TATDN2: variants seen among roughly 807,000 people sequenced by gnomAD.
TATDN2 encodes TatD DNase domain containing 2.
Under a neutral mutation model 60.3 loss-of-function variants are expected in TATDN2, and 44 were observed. The ratio of observed to expected loss-of-function variants is 0.73; its 90% CI spans 0.57 to 0.94. The LOEUF (loss-of-function observed/expected upper bound fraction) is 0.94, where lower values mean the gene tolerates loss of function less well. TATDN2 is among the 40% of genes least tolerant of loss of function. The probability of loss-of-function intolerance (pLI) is 0.00; values close to 1 mark genes in which losing one functional copy is unlikely to be tolerated. For missense variants in TATDN2, 997 were observed against 948.0 expected (o/e 1.05, Z -0.68); for synonymous variants, 399 against 355.8 (o/e 1.12, Z -1.37).
chr3:10,278,566 G>A lies in TATDN2; in HGVS notation c.2145+104G>A, dbSNP rs1288047031. The A allele has an allele frequency of 6.8e-7, 1 of 1,481,130 alleles. No individual in the cohort carries two copies. Among genetic ancestry groups the A allele is most frequent in the African/African-American group, 1.4e-5 (1 of 72,306 alleles). 91.7% of individuals were successfully genotyped at this position (1,481,130 alleles called of 1,614,324 possible). On this transcript the variant is annotated intron_variant, in intron 6 of 7. Transcript: ENST00000448281. This position sits in a 1 kb window ranked among gnomAD's most constrained non-coding sequence, Gnocchi z 4.7. ...AGGGCCAGAGCCCCAGTGACTTCCA[G>A]GTCCCATCCTGGGCTGTGTAGATGC...
At chr3:10,273,504 C>T (rs1237420221) in intron 4 of TATDN2, among the ~76,000 whole-genome samples, 2 of 151,978 alleles carry the variant, frequency 1.3e-5, no homozygotes, top group Non-Finnish European at 2.9e-5. Flanking sequence ...CGCCTGTAAT[C>T]CCAACACTTT....
intron 2 of TATDN2, among the ~76,000 whole-genome samples, chr3:10,255,934 C>T (rs1205128177): frequency 1.3e-5 from 2 of 152,184 alleles, no homozygotes; most frequent in Non-Finnish European, 2.9e-5. Context: ...CAGAGTGAGA[C>T]TGTCTCAGAA....
intron 2 of TATDN2, among the ~76,000 whole-genome samples, chr3:10,252,779 T>G (rs114511317): frequency 0.019 from 2,900 of 149,180 alleles, 78 homozygotes; most frequent in African/African-American, 0.068. Context: ...CATCTCAACC[T>G]CCTGGGCTCA....
Position 10,270,190 on chromosome 3 carries a change from T to G in TATDN2, c.1008T>G (p.Val336=). The G allele has an allele frequency of 6.2e-7, 1 of 1,612,528 alleles. No homozygotes were observed. Among genetic ancestry groups the G allele is most frequent in the East Asian group, 2.2e-5 (1 of 44,754 alleles). The change falls in exon 4 of 8, where the codon GTT becomes GTG. Residue 336 remains valine, a synonymous_variant. Transcript: ENST00000448281. ...CTTCTGGAAGTGACTGGTCTGATGT[T>G]GAGGAGATCTCCACAGTCAGATTCT... ...HPSSGSDWSD[V]EEISTVRFSQ...
At chr3:10,268,389 ATGTT>A (rs1187314386) in intron 3 of TATDN2, among the ~76,000 whole-genome samples, 3 of 152,322 alleles carry the variant, frequency 2.0e-5, no homozygotes, top group South Asian at 4.1e-4. Flanking sequence ...TTCATTGTGA[ATGTT>A]TGTTTTATTA....
chr3:10,259,924 T>A (rs1346481240), intron 2 of TATDN2, among the ~76,000 whole-genome samples: 1 of 152,182 alleles, frequency 6.6e-6, no homozygotes, highest in African/African-American at 2.4e-5. Context: ...TGAAAGGATA[T>A]CATCTGCTGA....
chr3:10,271,963 A>AAGT (rs890898999), intron 4 of TATDN2, among the ~76,000 whole-genome samples: 2 of 151,858 alleles, frequency 1.3e-5, no homozygotes, highest in Non-Finnish European at 2.9e-5. Context: ...TCCTGACCTC[A>AAGT]AGTAATCCAC....
Position 10,261,305 on chromosome 3 carries a change from C to T in TATDN2, c.948+635C>T, listed in dbSNP as rs377611716. 1.4e-4 allele frequency among the ~76,000 whole-genome samples: 21 copies of T among 151,708 alleles called. 1 individual carries two copies. Among genetic ancestry groups the T allele is most frequent in the African/African-American group, 1.7e-4 (7 of 41,358 alleles). ...AGAAGAAGGGAAGGATGTCATTGGA[C>T]GGAAACTAGTGATTTTTAACATAGC... On this transcript the variant is annotated intron_variant, in intron 3 of 7. Coordinates refer to ENST00000448281, the MANE Select transcript of TATDN2 (RefSeq NM_014760.4).
Position 10,276,179 on chromosome 3 carries a change from C to T in TATDN2, c.1834-182C>T, listed in dbSNP as rs150423740. ...TGTGAGGACTGCAGGTTATGATAGA[C>T]GTGCAGTGCTTTGGGCACTACCTGG... On this transcript the variant is annotated intron_variant, in intron 4 of 7. Coordinates refer to ENST00000448281, the MANE Select transcript of TATDN2 (RefSeq NM_014760.4). Among the ~76,000 whole-genome samples, 430 of 152,308 alleles carry T rather than the reference C, an allele frequency of 2.8e-3. 8 individuals are homozygous for T. In the South Asian group the frequency reaches 0.043, roughly 15 times the overall value.
rs1243246970 is a variant in TATDN2 at position 10,280,849 on chromosome 3, G to T, written c.*1667G>T. 2 of 153,560 alleles carry T rather than the reference G, an allele frequency of 1.3e-5. No individual in the cohort carries two copies. Among genetic ancestry groups the T allele is most frequent in the African/African-American group, 2.4e-5 (1 of 41,462 alleles). 9.5% of individuals were successfully genotyped at this position (153,560 alleles called of 1,614,324 possible). ...ATATCAAAGTGTTTATAGTCACCAA[G>T]TGAACTGCAGCACAACCATCTCCTC... On this transcript the variant is annotated 3_prime_UTR_variant, in exon 8 of 8. Coordinates refer to ENST00000448281, the MANE Select transcript of TATDN2 (RefSeq NM_014760.4).
At chr3:10,252,666 A>C (rs1322948156) in intron 2 of TATDN2, among the ~76,000 whole-genome samples, 1 of 151,020 alleles carries the variant, frequency 6.6e-6, no homozygotes, top group African/African-American at 2.4e-5. Context: ...GAGTCCTCTC[A>C]CTGCTCTCCT....
At position 10,248,476 on chromosome 3, in the gene TATDN2, G is replaced by A. The variant is rs1698163191; in HGVS notation, c.-598G>A. 6.6e-6 allele frequency: 1 copy of A among 152,130 alleles called. No homozygotes were observed. The highest frequency in any genetic ancestry group is 2.1e-4 in the South Asian group (1 of 4,836). 9.4% of individuals were successfully genotyped at this position (152,130 alleles called of 1,614,324 possible). On this transcript the variant is annotated 5_prime_UTR_variant, in exon 1 of 8. Transcript: ENST00000448281. The stretch of plus-strand genomic sequence containing the variant: ...CCGCCCCTGTCGCTCTCCGGCCTGC[G>A]GGCCGCAGGGCTCGTTCCGGAGGGC...
intron 2 of TATDN2, among the ~76,000 whole-genome samples, chr3:10,258,773 C>G (rs1297124604): frequency 6.6e-6 from 1 of 151,878 alleles, no homozygotes; most frequent in Non-Finnish European, 1.5e-5. Flanking sequence ...CCCAGCCGAG[C>G]CTAAGTCTCT....
chr3:10,278,709 G>C lies in TATDN2; in HGVS notation c.2146-176G>C. On this transcript the variant is annotated intron_variant, in intron 6 of 7. Coordinates refer to ENST00000448281, the MANE Select transcript of TATDN2 (RefSeq NM_014760.4). The surrounding 1 kb of genome is among the most constrained non-coding windows in gnomAD (Gnocchi z 4.7). Reference sequence around the variant, plus strand: ...GTAGAGGGTAGTCCAAGGAAGCGTGGGACCCTGCTCACCCAGAGCCCCCAT... The same window carrying C: ...GTAGAGGGTAGTCCAAGGAAGCGTGCGACCCTGCTCACCCAGAGCCCCCAT... The C allele has an allele frequency of 9.3e-7, 1 of 1,078,682 alleles. No individual in the cohort carries two copies. The highest frequency in any genetic ancestry group is 1.3e-5 in the South Asian group (1 of 74,946). 66.8% of individuals were successfully genotyped at this position (1,078,682 alleles called of 1,614,324 possible). A position where few individuals can be genotyped will look rare whatever the true frequency, so the allele number is the denominator to read the frequency against.
At chr3:10,270,041 A>C (rs1425609039) in intron 3 of TATDN2, 90 bp from the exon 4 acceptor site, 20 of 1,492,046 alleles carry the variant, frequency 1.3e-5, no homozygotes, top group Middle Eastern at 5.0e-4. Flanking sequence ...CAGAAGAACA[A>C]GCCAGGGTTT....
rs762071006 is a variant in TATDN2 at position 10,270,491 on chromosome 3, T to G, written c.1309T>G (p.Ser437Ala). The change falls in exon 4 of 8, where the codon TCA becomes GCA. Residue 437 changes from serine to alanine, a missense_variant. By Grantham distance (99) the Ser-to-Ala change is moderately conservative. Coordinates refer to ENST00000448281, the MANE Select transcript of TATDN2 (RefSeq NM_014760.4). ...VQNTSRDMEASEEGWSQNSRS... is the reference protein window; with the variant it reads ...VQNTSRDMEAAEEGWSQNSRS... ...AAACACCTCCAGAGACATGGAGGCC[T>G]CAGAGGAAGGCTGGTCCCAGAATTC... is the stretch of plus-strand genomic sequence containing the variant. 1.9e-6 allele frequency: 3 copies of G among 1,614,090 alleles called. No individual in the cohort carries two copies. The highest frequency in any genetic ancestry group is 1.7e-5 in the Admixed American group (1 of 60,002).
intron 3 of TATDN2, among the ~76,000 whole-genome samples, chr3:10,264,781 C>T (rs932036018): frequency 2.0e-5 from 3 of 151,722 alleles, no homozygotes; most frequent in East Asian, 3.9e-4. Context: ...CAGGTTCAAG[C>T]GATTCTCCCG....
chr3:10,256,102 T>G (rs1263514829), intron 2 of TATDN2, among the ~76,000 whole-genome samples: 2 of 152,196 alleles, frequency 1.3e-5, no homozygotes, highest in Non-Finnish European at 2.9e-5. Flanking sequence ...TTTCTCCTGG[T>G]TTTCCCTTCC....
At chr3:10,254,047 G>C (rs1453174443) in intron 2 of TATDN2, among the ~76,000 whole-genome samples, 8 of 152,250 alleles carry the variant, frequency 5.3e-5, no homozygotes, top group Admixed American at 2.6e-4. Context: ...CCCAGGCACA[G>C]TAAAGCACTG....
Sources: allele counts gnomAD v4.1 joint callset (sites outside exome capture counted in the v4.1 genomes callset), GRCh38; gene constraint gnomAD v4.1.1; non-coding constraint Gnocchi (gnomAD v3.1); transcripts MANE v1.5; gene names NCBI Gene and HGNC (gene_info 2026-07-23, HGNC 2026-07-21).